STAU1: variants seen among roughly 807,000 people sequenced by gnomAD.
The protein encoded by STAU1 is staufen double-stranded RNA binding protein 1, also known as double-stranded RNA-binding protein Staufen homolog 1.
Under a neutral mutation model 62.9 loss-of-function variants are expected in STAU1, and 13 were observed. The ratio of observed to expected loss-of-function variants is 0.21; its 90% CI spans 0.13 to 0.33. STAU1 has a LOEUF of 0.33. Ranked by LOEUF, STAU1 falls within the 10% of genes least tolerant of loss-of-function variation. STAU1 has a pLI of 1.00. For synonymous variants in STAU1, 269 were observed against 265.1 expected (o/e 1.01, Z -0.14); for missense variants, 571 against 712.1 (o/e 0.80, Z 2.25).
At chr20:49,167,781 T>C (rs963799672) in intron 2 of STAU1, among the ~76,000 whole-genome samples, 5 of 152,170 alleles carry the variant, frequency 3.3e-5, no homozygotes, top group African/African-American at 1.2e-4. Flanking sequence ...CACTCCTCCT[T>C]TTCCTGCTTT....
chr20:49,206,428 T>G, the STAU1 span, among the ~76,000 whole-genome samples: 1 of 141,330 alleles, frequency 7.1e-6, no homozygotes, highest in Non-Finnish European at 1.5e-5. Flanking sequence ...TTTTTTTTTT[T>G]TTTTTTTTTT....
At chr20:49,129,519 A>G (rs1286967103) in intron 6 of STAU1, among the ~76,000 whole-genome samples, 1 of 151,606 alleles carries the variant, frequency 6.6e-6, no homozygotes, top group Admixed American at 6.6e-5. Flanking sequence ...CTAAAATTTT[A>G]AAAGCTGACA....
rs2092308915 is a variant in STAU1 at position 49,115,819 on chromosome 20, T to C, written c.1681A>G (p.Thr561Ala). 1.2e-6 allele frequency: 2 copies of C among 1,614,124 alleles called. No homozygotes were observed. The highest frequency in any genetic ancestry group is 8.5e-7 in the Non-Finnish European group (1 of 1,180,002). ...CCGTTTCCTGTTCTTGGCATCTCTG[T>C]ACTTTGTTGGTCCAACTCAGACAGC... ...KLLSELDQQS[T>A]EMPRTGNGPM... Residue 561 changes from threonine (T) to alanine (A), a missense_variant, in exon 13 of 14, where the codon ACA becomes GCA. Thr to Ala is a moderately conservative substitution (Grantham distance 58, BLOSUM62 0). Coordinates refer to ENST00000371856, the MANE Select transcript of STAU1 (RefSeq NM_017453.4).
At chr20:49,198,394 T>G in the STAU1 span, among the ~76,000 whole-genome samples, 1 of 152,046 alleles carries the variant, frequency 6.6e-6, no homozygotes, top group East Asian at 1.9e-4. Flanking sequence ...TTATCCCAGT[T>G]TACTCAGGAG....
intron 3 of STAU1, 27 bp from the exon 4 acceptor site, chr20:49,154,098 G>T: frequency 6.3e-7 from 1 of 1,581,372 alleles, no homozygotes. Context: ...ACAAAGAACT[G>T]TTTTTTTCTG....
Position 49,166,130 on chromosome 20 carries a change from G to A in STAU1, c.72C>T (p.Asn24=). 1.2e-6 allele frequency: 2 copies of A among 1,614,156 alleles called. No individual in the cohort carries two copies. The highest frequency in any genetic ancestry group is 1.7e-6 in the Non-Finnish European group (2 of 1,180,020). The stretch of plus-strand genomic sequence containing the variant: ...TCAAAGGCTGTGAGAGAAGAGACTG[G>A]TTCTTGTTCAGTATTTGGCTCCCTG... ...ALSGSQILNK[N]QSLLSQPLMS... Residue 24 remains asparagine, a synonymous_variant, in exon 3 of 14, where the codon AAC becomes AAT. Transcript: ENST00000371856.
At position 49,153,918 on chromosome 20, in the gene STAU1, A is replaced by C. The variant is rs777231656; in HGVS notation, c.344+15T>G. 9 of 1,553,474 alleles carry C rather than the reference A, an allele frequency of 5.8e-6. No homozygotes were observed. The highest frequency in any genetic ancestry group is 2.3e-5 in the East Asian group (1 of 44,176). On this transcript the variant is annotated intron_variant, in intron 4 of 13. Coordinates refer to ENST00000371856, the MANE Select transcript of STAU1 (RefSeq NM_017453.4). ...CTCCTGTATTTTACAAAAAAAAAAA[A>C]AAAAAAACACATACCTCGGGGGATA... is the stretch of plus-strand genomic sequence containing the variant.
intron 7 of STAU1, 150 bp from the exon 8 acceptor site, chr20:49,123,385 G>T: frequency 1.1e-6 from 1 of 937,064 alleles, no homozygotes; most frequent in Non-Finnish European, 1.6e-6. Context: ...TTTTAACAAT[G>T]AAAAGATGCT....
the STAU1 span, among the ~76,000 whole-genome samples, chr20:49,215,800 A>G: frequency 3.3e-5 from 5 of 152,026 alleles, no homozygotes; most frequent in African/African-American, 1.2e-4. Context: ...TGAGGCCAGG[A>G]GTTTGAGACC....
At chr20:49,217,508 C>G in the STAU1 span, among the ~76,000 whole-genome samples, 2 of 151,998 alleles carry the variant, frequency 1.3e-5, no homozygotes, top group Non-Finnish European at 2.9e-5. Flanking sequence ...CATTTTGCAT[C>G]CTTTGTATCC....
At chr20:49,196,458 AAAGAAGAAG>A in the STAU1 span, among the ~76,000 whole-genome samples, 1 of 149,732 alleles carries the variant, frequency 6.7e-6, no homozygotes, top group East Asian at 2.0e-4. Flanking sequence ...AAAAAAAAAA[AAAGAAGAAG>A]AAGAAGAAGA....
intron 3 of STAU1, among the ~76,000 whole-genome samples, chr20:49,155,104 A>C (rs1178200005): frequency 6.6e-6 from 1 of 151,756 alleles, no homozygotes; most frequent in African/African-American, 2.4e-5. Context: ...AAAAAGAAAC[A>C]CAATTCCTGC....
intron 3 of STAU1, among the ~76,000 whole-genome samples, chr20:49,155,200 G>A (rs13045838): frequency 0.013 from 1,920 of 152,278 alleles, 19 homozygotes; most frequent in Non-Finnish European, 0.02. Context: ...AATCAGTGAG[G>A]AGGTGGCAAC....
At chr20:49,174,312 T>G (rs2093632151) in intron 1 of STAU1, 43 bp from the exon 2 acceptor site, 1 of 152,214 alleles carries the variant, frequency 6.6e-6, no homozygotes, top group Non-Finnish European at 1.5e-5. Flanking sequence ...GGTAGGTCTT[T>G]TCTCTGAAAC....
intron 1 of STAU1, among the ~76,000 whole-genome samples, chr20:49,183,605 C>T (rs1196441890): frequency 3.9e-5 from 6 of 152,208 alleles, no homozygotes; most frequent in African/African-American, 7.2e-5. Context: ...ACTGAGACTA[C>T]CTTGTGGTAT....
At chr20:49,116,659 C>T (rs2092333337) in intron 12 of STAU1, among the ~76,000 whole-genome samples, 1 of 152,188 alleles carries the variant, frequency 6.6e-6, no homozygotes, top group Non-Finnish European at 1.5e-5. Flanking sequence ...TTCATGCATG[C>T]ATGACATCCC....
rs201893231 is a variant in STAU1, at chr20:49,123,245, A to G, written c.823-10T>C. ...CTGGGCTTGTCTGTGGCTGAGGAACAAACAAGGCAGAAACTCTGTAATGTT... is the reference window on the plus strand; with the variant it reads ...CTGGGCTTGTCTGTGGCTGAGGAACGAACAAGGCAGAAACTCTGTAATGTT... On this transcript the variant is annotated splice_polypyrimidine_tract_variant and intron_variant, in intron 7 of 13. Coordinates refer to ENST00000371856, the MANE Select transcript of STAU1 (RefSeq NM_017453.4). 3.7e-6 allele frequency: 6 copies of G among 1,614,202 alleles called. No individual in the cohort carries two copies. The highest frequency in any genetic ancestry group is 1.3e-5 in the African/African-American group (1 of 75,048).
chr20:49,178,047 T>C (rs536967300), intron 1 of STAU1, among the ~76,000 whole-genome samples: 1 of 151,982 alleles, frequency 6.6e-6, no homozygotes, highest in South Asian at 2.1e-4. Context: ...CATGATGGCA[T>C]GCACCTGTAG....
the STAU1 span, among the ~76,000 whole-genome samples, chr20:49,216,658 T>C: frequency 6.6e-6 from 1 of 151,762 alleles, no homozygotes; most frequent in African/African-American, 2.4e-5. Context: ...AAGAGAAAAA[T>C]AAGAAATTTT....
Sources: gnomAD v4.1 joint callset for allele counts (sites outside exome capture counted in the v4.1 genomes callset) on GRCh38, gnomAD v4.1.1 for gene constraint, MANE v1.5 for transcripts, NCBI Gene and HGNC (gene_info 2026-07-23, HGNC 2026-07-21) for gene names.